Variants in EDARADD observed in about 807,000 individuals in gnomAD.
EDARADD encodes EDAR associated via death domain.
EDARADD carries 20 observed loss-of-function variants against 25.6 expected under a neutral mutation model. The observed-to-expected ratio is 0.78, with a 90% CI of 0.55 to 1.14. EDARADD has a LOEUF of 1.14. EDARADD is among the 50% of genes most tolerant of loss of function. EDARADD has a pLI of 0.00. For missense variants in EDARADD, 225 were observed against 270.1 expected (o/e 0.83, Z 1.17); for synonymous variants, 86 against 94.4 (o/e 0.91, Z 0.52).
At chr1:236,352,608 G>A (rs1407090706) in intron 3 of EDARADD, among the ~76,000 whole-genome samples, 1 of 152,210 alleles carries the variant, frequency 6.6e-6, no homozygotes, top group African/African-American at 2.4e-5. Flanking sequence ...AGCACTTTGG[G>A]AGGCCAAGGC....
chr1:236,461,039 C>G (rs1359151404), intron 4 of EDARADD, among the ~76,000 whole-genome samples: 1 of 152,090 alleles, frequency 6.6e-6, no homozygotes, highest in Non-Finnish European at 1.5e-5. Context: ...CCAGGATGGT[C>G]TTGAACTCCT....
intron 3 of EDARADD, among the ~76,000 whole-genome samples, chr1:236,419,625 G>A (rs1037449464): frequency 1.3e-5 from 2 of 152,202 alleles, no homozygotes; most frequent in East Asian, 1.9e-4. Context: ...CAACTAAGGC[G>A]GTCTGGGGGA....
chr1:236,455,653 T>G (rs1044511862), intron 4 of EDARADD, among the ~76,000 whole-genome samples: 5 of 152,230 alleles, frequency 3.3e-5, no homozygotes, highest in Non-Finnish European at 7.3e-5. Flanking sequence ...AATTCAGCCT[T>G]GCAGCTATTG....
At chr1:236,453,284 T>C (rs1558129395) in intron 4 of EDARADD, among the ~76,000 whole-genome samples, 1 of 150,140 alleles carries the variant, frequency 6.7e-6, no homozygotes, top group Admixed American at 6.6e-5. Context: ...TTTTCTTTTT[T>C]TTTTTTTTTT....
Position 236,395,626 on chromosome 1 carries a change from C to T in EDARADD, c.61+1121C>T, listed in dbSNP as rs749397194. ...GGACGCTCGTTTGCCCCTAACCCGC[C>T]GCCATGGCTTCACCGGACGACCCTC... On this transcript the variant is annotated intron_variant, in intron 1 of 5. Coordinates refer to ENST00000334232, the MANE Select transcript of EDARADD (RefSeq NM_145861.4). The surrounding 1 kb of genome is among the most constrained non-coding windows in gnomAD (Gnocchi z 6.9). The T allele has an allele frequency of 3.2e-6, 5 of 1,571,710 alleles. No homozygotes were observed. The highest frequency in any genetic ancestry group is 4.3e-6 in the Non-Finnish European group (5 of 1,160,704).
At chr1:236,459,071 C>T (rs1161361401) in intron 4 of EDARADD, among the ~76,000 whole-genome samples, 1 of 152,162 alleles carries the variant, frequency 6.6e-6, no homozygotes, top group Non-Finnish European at 1.5e-5. Context: ...TCAGCTAGCA[C>T]ACAATTGTGC....
chr1:236,420,318 C>T (rs1373932077), intron 3 of EDARADD, among the ~76,000 whole-genome samples: 1 of 152,228 alleles, frequency 6.6e-6, no homozygotes, highest in African/African-American at 2.4e-5. Flanking sequence ...GGCTAAATAA[C>T]TTTAAACATT....
chr1:236,405,066 CCTGGG>C (rs1667682459), intron 1 of EDARADD, among the ~76,000 whole-genome samples: 1 of 152,048 alleles, frequency 6.6e-6, no homozygotes, highest in Non-Finnish European at 1.5e-5. Context: ...TGCACTCCAG[CCTGGG>C]CGACAGAGTG....
At chr1:236,474,366 G>C (rs1017702446) in intron 5 of EDARADD, among the ~76,000 whole-genome samples, 1 of 152,032 alleles carries the variant, frequency 6.6e-6, no homozygotes, top group Non-Finnish European at 1.5e-5. Flanking sequence ...ATAAATCCTC[G>C]GGGCTTTGGC....
At chr1:236,375,596 A>G (rs1667215957) in intron 3 of EDARADD, among the ~76,000 whole-genome samples, 1 of 144,550 alleles carries the variant, frequency 6.9e-6, no homozygotes, top group Non-Finnish European at 1.5e-5. Flanking sequence ...GTGGAGGTTG[A>G]AATTTGCTGA....
chr1:236,469,395 C>T (rs1164287153), intron 5 of EDARADD, among the ~76,000 whole-genome samples: 1 of 152,104 alleles, frequency 6.6e-6, no homozygotes, highest in Non-Finnish European at 1.5e-5. Context: ...ATTGCTTGAA[C>T]CCGGGAGGCA....
At chr1:236,363,002 A>ATATATATATAT (rs1455475348) in intron 3 of EDARADD, among the ~76,000 whole-genome samples, 58 of 58,160 alleles carry the variant, frequency 1.0e-3, no homozygotes, top group Non-Finnish European at 1.3e-3. Flanking sequence ...AAAAAAAAAA[A>ATATATATATAT]AAAAATATAT....
Position 236,398,237 on chromosome 1 carries a change from G to T in EDARADD, c.61+3732G>T, listed in dbSNP as rs921768488. 3.9e-5 allele frequency among the ~76,000 whole-genome samples: 6 copies of T among 152,108 alleles called. No individual in the cohort carries two copies. Among genetic ancestry groups the T allele is most frequent in the African/African-American group, 1.4e-4 (6 of 41,408 alleles). ...CCTCCCGGGTTCAAGAGATTCTCCT[G>T]TCTCAGCCTCCCAAGTAACTGGTAT... On this transcript the variant is annotated intron_variant, in intron 1 of 5. Coordinates refer to ENST00000334232, the MANE Select transcript of EDARADD (RefSeq NM_145861.4). This position sits in a 1 kb window ranked among gnomAD's most constrained non-coding sequence, Gnocchi z 4.1.
intron 4 of EDARADD, among the ~76,000 whole-genome samples, chr1:236,436,666 T>C (rs597120): frequency 0.82 from 120,890 of 148,276 alleles, 50,034 homozygotes; most frequent in Non-Finnish European, 0.88. Flanking sequence ...AACTCTTTTT[T>C]AGAGGCAGGA....
chr1:236,420,988 C>T (rs1467359909), intron 3 of EDARADD, among the ~76,000 whole-genome samples: 1 of 146,370 alleles, frequency 6.8e-6, no homozygotes, highest in Non-Finnish European at 1.5e-5. Flanking sequence ...CCTGTCTCGG[C>T]CTCCCAAAGT....
chr1:236,403,318 C>T (rs1026914222), intron 1 of EDARADD, among the ~76,000 whole-genome samples: 18 of 148,218 alleles, frequency 1.2e-4, no homozygotes, highest in Admixed American at 4.0e-4. Flanking sequence ...GAAGGAGTCT[C>T]GCTCTGTCGA....
chr1:236,386,771 G>A (rs1667358028), intron 3 of EDARADD, among the ~76,000 whole-genome samples: 1 of 46,762 alleles, frequency 2.1e-5, no homozygotes, highest in Admixed American at 2.7e-4. Flanking sequence ...CACCCCATCT[G>A]GGAAGTGAGG....
At chr1:236,389,540 A>G (rs1667396413), upstream of EDARADD, among the ~76,000 whole-genome samples, 1 of 152,206 alleles carries the variant, frequency 6.6e-6, no homozygotes, top group Non-Finnish European at 1.5e-5. Context: ...AAATACACGC[A>G]CTGGAATGCT....
Position 236,395,552 on chromosome 1 carries a change from C to T in EDARADD, c.61+1047C>T. 1.3e-6 allele frequency: 2 copies of T among 1,540,590 alleles called. No homozygotes were observed. Among genetic ancestry groups the T allele is most frequent in the East Asian group, 2.4e-5 (1 of 40,886 alleles). On this transcript the variant is annotated intron_variant, in intron 1 of 5. Coordinates refer to ENST00000334232, the MANE Select transcript of EDARADD (RefSeq NM_145861.4). This position sits in a 1 kb window ranked among gnomAD's most constrained non-coding sequence, Gnocchi z 6.9. ...GTCGGAACCGCAGGACTTTTCATCCCCGTGGTCCCACGGTCCTCCCGCGCC... is the reference window on the plus strand; with the variant it reads ...GTCGGAACCGCAGGACTTTTCATCCTCGTGGTCCCACGGTCCTCCCGCGCC...
Sources: gnomAD v4.1 joint callset for allele counts (sites outside exome capture counted in the v4.1 genomes callset) on GRCh38, gnomAD v4.1.1 for gene constraint, Gnocchi (gnomAD v3.1) non-coding constraint, MANE v1.5 for transcripts, NCBI Gene and HGNC (gene_info 2026-07-23, HGNC 2026-07-21) for gene names.